SNX3: variants seen among roughly 807,000 people sequenced by gnomAD.
The protein encoded by SNX3 is sorting nexin-3.
In SNX3, 5 loss-of-function variants were observed where a neutral mutation model predicts 17.7. The ratio of observed to expected loss-of-function variants is 0.28; its 90% CI spans 0.15 to 0.59. The LOEUF is 0.59. Ranked by LOEUF, SNX3 falls within the 20% of genes least tolerant of loss-of-function variation. SNX3 has a pLI of 0.88. For synonymous variants in SNX3, 91 were observed against 76.5 expected, an observed-to-expected ratio of 1.19 and a Z score of -0.99; for missense variants, 132 against 206.8, an observed-to-expected ratio of 0.64 and a Z score of 2.22.
intron 1 of SNX3, among the ~76,000 whole-genome samples, chr6:108,224,737 A>G (rs1056025571): frequency 6.6e-6 from 1 of 152,214 alleles, no homozygotes; most frequent in Non-Finnish European, 1.5e-5. Context: ...TATGGGTCTT[A>G]CCCCTAGTAG....
At chr6:108,238,063 C>A (rs990645844) in intron 1 of SNX3, among the ~76,000 whole-genome samples, 55 of 141,152 alleles carry the variant, frequency 3.9e-4, no homozygotes, top group African/African-American at 1.5e-3. Context: ...GATGGCACCA[C>A]TGCACTCCAG....
intron 2 of SNX3, among the ~76,000 whole-genome samples, chr6:108,219,610 A>G (rs1338016365): frequency 6.6e-6 from 1 of 152,162 alleles, no homozygotes; most frequent in Non-Finnish European, 1.5e-5. Context: ...GGCTCTGTCA[A>G]TCAATCAATC....
chr6:108,245,737 G>A (rs932066986), intron 1 of SNX3, among the ~76,000 whole-genome samples: 7 of 152,142 alleles, frequency 4.6e-5, no homozygotes, highest in African/African-American at 9.7e-5. Flanking sequence ...TTTGTTGGCC[G>A]CATAAATGTC....
intron 1 of SNX3, among the ~76,000 whole-genome samples, chr6:108,253,651 T>G (rs1775939594): frequency 6.6e-6 from 1 of 152,154 alleles, no homozygotes; most frequent in South Asian, 2.1e-4. Flanking sequence ...TGCTATTCAT[T>G]TTATGTTTTA....
intron 1 of SNX3, among the ~76,000 whole-genome samples, chr6:108,229,084 A>AC (rs1324835596): frequency 6.6e-6 from 1 of 151,770 alleles, no homozygotes; most frequent in Non-Finnish European, 1.5e-5. Flanking sequence ...ATACAGTGAA[A>AC]CCCCATCTCT....
intron 1 of SNX3, among the ~76,000 whole-genome samples, chr6:108,229,717 T>A (rs1411461273): frequency 6.6e-6 from 1 of 152,020 alleles, no homozygotes; most frequent in Non-Finnish European, 1.5e-5. Context: ...CAGCTGAAAA[T>A]GGTGAAAATA....
intron 1 of SNX3, among the ~76,000 whole-genome samples, chr6:108,245,710 G>C (rs1775667757): frequency 6.6e-6 from 1 of 152,216 alleles, no homozygotes; most frequent in African/African-American, 2.4e-5. Context: ...CAATGATGAT[G>C]AGCTTTTTTA....
In SNX3 at chr6:108,260,861, C is replaced by T; in HGVS notation, c.61G>A (p.Ala21Thr). The T allele has an allele frequency of 6.2e-7, 1 of 1,612,952 alleles. No homozygotes were observed. Among genetic ancestry groups the T allele is most frequent in the South Asian group, 1.1e-5 (1 of 91,068 alleles). Residue 21 changes from alanine to threonine, a missense_variant, in exon 1 of 4, where the codon GCC (alanine) becomes ACC (threonine). This residue lies in a region of SNX3 where 78 missense variants were observed against 88.8 expected (regional missense o/e 0.88). Transcript: ENST00000230085. Reference sequence around the variant, plus strand: ...AGGAAGTTGCTGGGGGGTCCGTAGGCGTCATTCAGGTTCTGCGGCTTGGTG... The same window carrying T: ...AGGAAGTTGCTGGGGGGTCCGTAGGTGTCATTCAGGTTCTGCGGCTTGGTG... ...LITKPQNLND[A>T]YGPPSNFLEI...
In SNX3 at chr6:108,211,467, G is replaced by A. The variant is rs938725795; in HGVS notation, c.*682C>T. The A allele has an allele frequency of 2.0e-5, 3 of 152,426 alleles. No homozygotes were observed. Among genetic ancestry groups the A allele is most frequent in the Admixed American group, 2.0e-4 (3 of 15,274 alleles). 9.4% of individuals were successfully genotyped at this position (152,426 alleles called of 1,614,324 possible). A position where few individuals can be genotyped will look rare whatever the true frequency, so the allele number is the denominator to read the frequency against. ...TAATCCCTCTCAACAAGTGACTTAA[G>A]TAGTCACTCATAGAGAGCAAAAAAA... On this transcript the variant is annotated 3_prime_UTR_variant, in exon 4 of 4. Coordinates refer to ENST00000230085, the MANE Select transcript of SNX3 (RefSeq NM_003795.6).
intron 1 of SNX3, among the ~76,000 whole-genome samples, chr6:108,240,862 G>A (rs935962091): frequency 1.3e-5 from 2 of 152,136 alleles, no homozygotes; most frequent in Admixed American, 6.6e-5. Flanking sequence ...TCTGTGTGAT[G>A]TCGGGCGCAG....
intron 3 of SNX3, among the ~76,000 whole-genome samples, chr6:108,213,293 TTTTG>T (rs1363212548): frequency 5.3e-5 from 8 of 152,180 alleles, no homozygotes; most frequent in African/African-American, 1.7e-4. Context: ...TATCCAGGTA[TTTTG>T]TTTGTTTTTG....
At chr6:108,214,005 C>G (rs542785098) in intron 3 of SNX3, among the ~76,000 whole-genome samples, 1 of 152,266 alleles carries the variant, frequency 6.6e-6, no homozygotes, top group South Asian at 2.1e-4. Context: ...TTGAGCTTAT[C>G]AAGAGTTTCT....
chr6:108,236,508 C>T (rs1386869484), intron 1 of SNX3, among the ~76,000 whole-genome samples: 8 of 149,970 alleles, frequency 5.3e-5, no homozygotes, highest in Non-Finnish European at 8.9e-5. Context: ...CTCAGCCTCC[C>T]GAGTAGCTGG....
intron 1 of SNX3, among the ~76,000 whole-genome samples, chr6:108,236,309 C>A (rs1775327482): frequency 6.6e-6 from 1 of 150,552 alleles, no homozygotes; most frequent in African/African-American, 2.4e-5. Flanking sequence ...CAAGCAAGAC[C>A]CTGTCTCTCT....
At chr6:108,234,655 T>C (rs890265073) in intron 1 of SNX3, among the ~76,000 whole-genome samples, 4 of 152,226 alleles carry the variant, frequency 2.6e-5, no homozygotes, top group African/African-American at 9.6e-5. Flanking sequence ...TATTGACTTG[T>C]AGATACTCCA....
intron 1 of SNX3, among the ~76,000 whole-genome samples, chr6:108,244,364 A>G (rs780333834): frequency 1.1e-4 from 16 of 152,248 alleles, no homozygotes; most frequent in Non-Finnish European, 2.2e-4. Flanking sequence ...TATGTTACCC[A>G]GACTGGTTTT....
intron 1 of SNX3, among the ~76,000 whole-genome samples, chr6:108,248,840 A>G (rs1293121789): frequency 6.6e-6 from 1 of 151,878 alleles, no homozygotes; most frequent in African/African-American, 2.4e-5. Flanking sequence ...AGCTCACTGC[A>G]GCCTTAACCT....
At chr6:108,253,632 G>A (rs1452859045) in intron 1 of SNX3, among the ~76,000 whole-genome samples, 1 of 151,820 alleles carries the variant, frequency 6.6e-6, no homozygotes, top group East Asian at 1.9e-4. Context: ...CCTCTCTGTT[G>A]CCAAGATCTG....
intron 1 of SNX3, among the ~76,000 whole-genome samples, chr6:108,252,968 A>G (rs549827544): frequency 3.3e-5 from 5 of 152,334 alleles, no homozygotes; most frequent in African/African-American, 1.2e-4. Context: ...AAAAGAAAAT[A>G]GCAGTTCCAA....
Sources: allele counts gnomAD v4.1 joint callset (sites outside exome capture counted in the v4.1 genomes callset), GRCh38; gene constraint gnomAD v4.1.1; regional missense constraint gnomAD v4.1.1; transcripts MANE v1.5; gene names NCBI Gene and HGNC (gene_info 2026-07-23, HGNC 2026-07-21).